Variants in HDAC9 observed in about 807,000 individuals in gnomAD.
HDAC9 encodes histone deacetylase 9, also known as MEF-2 interacting transcription repressor (MITR) protein.
Under a neutral mutation model 139.4 loss-of-function variants are expected in HDAC9, and 41 were observed. That is an observed-to-expected ratio of 0.29 (90% CI 0.23 to 0.38). The LOEUF (loss-of-function observed/expected upper bound fraction) is 0.38, where lower values mean the gene tolerates loss of function less well. Ranked by LOEUF, HDAC9 falls within the 10% of genes least tolerant of loss-of-function variation. The pLI is 1.00. For missense variants in HDAC9, 1,147 were observed against 1,297.0 expected (o/e 0.88, Z 1.78); for synonymous variants, 517 against 476.2 (o/e 1.09, Z -1.12).
In HDAC9 at chr7:18,709,817, A is replaced by G. The variant is rs146450857; in HGVS notation, c.1732-17763A>G. Among the ~76,000 whole-genome samples the G allele has an allele frequency of 3.7e-3, 556 of 152,258 alleles. 2 individuals carry two copies. Among genetic ancestry groups the G allele is most frequent in the Middle Eastern group, 0.014 (4 of 294 alleles). Reference sequence around the variant, plus strand: ...CTCCCAAAGTGTTGGCATCACAGACATGAGCCATGACACCCAGCCTTGCCC... The same window carrying G: ...CTCCCAAAGTGTTGGCATCACAGACGTGAGCCATGACACCCAGCCTTGCCC... On this transcript the variant is annotated intron_variant, in intron 12 of 25. Coordinates refer to ENST00000686413, the MANE Select transcript of HDAC9 (RefSeq NM_178425.4).
intron 25 of HDAC9, among the ~76,000 whole-genome samples, chr7:18,995,701 T>C (rs1786408658): frequency 6.6e-6 from 1 of 152,162 alleles, no homozygotes; most frequent in South Asian, 2.1e-4. Flanking sequence ...GCTCCTAAAA[T>C]AAAATATCAT....
At chr7:18,705,522 C>A (rs1213059095) in intron 12 of HDAC9, among the ~76,000 whole-genome samples, 1 of 152,092 alleles carries the variant, frequency 6.6e-6, no homozygotes, top group East Asian at 1.9e-4. Context: ...TAACCGAACC[C>A]TGTACCTATG....
chr7:18,169,389 C>T (rs112439713), intron 2 of HDAC9, among the ~76,000 whole-genome samples: 46 of 151,968 alleles, frequency 3.0e-4, no homozygotes, highest in African/African-American at 1.0e-3. Flanking sequence ...GAGTTTCCAG[C>T]GGGTGAGGCA....
At chr7:18,926,085 A>G (rs551226749) in intron 22 of HDAC9, among the ~76,000 whole-genome samples, 1 of 152,248 alleles carries the variant, frequency 6.6e-6, no homozygotes, top group African/African-American at 2.4e-5. Flanking sequence ...ATGGTGGCTC[A>G]CACCTGTAAT....
chr7:18,677,471 T>C (rs1781593145), intron 12 of HDAC9, among the ~76,000 whole-genome samples: 1 of 151,954 alleles, frequency 6.6e-6, no homozygotes, highest in Non-Finnish European at 1.5e-5. Context: ...TCTGTAGAAA[T>C]TTATTTTATT....
chr7:18,757,488 G>A (rs1297665031), intron 14 of HDAC9, among the ~76,000 whole-genome samples: 2 of 152,100 alleles, frequency 1.3e-5, no homozygotes. Flanking sequence ...CCAAACCAAT[G>A]CAACCCATCT....
chr7:18,275,315 A>G lies in HDAC9; in HGVS notation c.25+112966A>G, dbSNP rs1186282458. On this transcript the variant is annotated intron_variant, in intron 2 of 12. Transcript: ENST00000417496. ...ACCCTCACAGATCTATATCACCACAATCTTTTGCTTAGATTTTCAAAATAG... is the reference window on the plus strand; with the variant it reads ...ACCCTCACAGATCTATATCACCACAGTCTTTTGCTTAGATTTTCAAAATAG... 7.9e-5 allele frequency among the ~76,000 whole-genome samples: 12 copies of G among 152,138 alleles called. No homozygotes were observed. The South Asian group carries it at 1.5e-3, about 18-fold the overall frequency.
intron 21 of HDAC9, among the ~76,000 whole-genome samples, chr7:18,855,342 C>T (rs1460671207): frequency 6.6e-6 from 1 of 152,176 alleles, no homozygotes; most frequent in Non-Finnish European, 1.5e-5. Flanking sequence ...TGGCCATTCT[C>T]TGTAAACCTG....
intron 2 of HDAC9, among the ~76,000 whole-genome samples, chr7:18,170,615 A>G (rs1262551831): frequency 1.3e-5 from 2 of 152,084 alleles, no homozygotes; most frequent in Non-Finnish European, 2.9e-5. Context: ...TCTTGAATTA[A>G]TTTTTATATA....
chr7:18,941,168 T>C lies in HDAC9; in HGVS notation c.2937+5226T>C, dbSNP rs557189641. 9.4e-4 allele frequency among the ~76,000 whole-genome samples: 143 copies of C among 151,788 alleles called. 1 individual carries two copies. In the Middle Eastern group the frequency reaches 0.02, roughly 22 times the overall value. On this transcript the variant is annotated intron_variant, in intron 23 of 25. Transcript: ENST00000686413. Reference sequence around the variant, plus strand: ...TCTTTTTTTGTCTCTTCTTTTTTTTTTCTTTTCTTTCCCTCCCTGCCTCCC... The same window carrying C: ...TCTTTTTTTGTCTCTTCTTTTTTTTCTCTTTTCTTTCCCTCCCTGCCTCCC...
intron 13 of HDAC9, among the ~76,000 whole-genome samples, chr7:18,733,875 T>C (rs1196436910): frequency 6.6e-6 from 1 of 152,146 alleles, no homozygotes; most frequent in African/African-American, 2.4e-5. Flanking sequence ...GCCAACCTGA[T>C]ATGCGTTTCT....
chr7:18,753,688 C>T (rs1348560610), intron 14 of HDAC9, among the ~76,000 whole-genome samples: 2 of 152,126 alleles, frequency 1.3e-5, no homozygotes, highest in Non-Finnish European at 2.9e-5. Flanking sequence ...ATTCATTTAG[C>T]AATGTCGCAA....
chr7:18,872,149 G>C (rs1798968649), intron 21 of HDAC9, among the ~76,000 whole-genome samples: 1 of 151,954 alleles, frequency 6.6e-6, no homozygotes, highest in African/African-American at 2.4e-5. Context: ...CATAATTCTA[G>C]GCAAGTATAT....
intron 2 of HDAC9, among the ~76,000 whole-genome samples, chr7:18,176,276 T>C (rs1262335314): frequency 1.3e-5 from 2 of 152,192 alleles, no homozygotes; most frequent in African/African-American, 4.8e-5. Context: ...AGATCTCCAG[T>C]GCTTTCTGAA....
At chr7:18,696,385 ATAT>A (rs1218590737) in intron 12 of HDAC9, among the ~76,000 whole-genome samples, 2 of 147,330 alleles carry the variant, frequency 1.4e-5, no homozygotes, top group Non-Finnish European at 3.0e-5. Context: ...GTATAATAAC[ATAT>A]TATACTATAT....
intron 1 of HDAC9, among the ~76,000 whole-genome samples, chr7:18,368,510 T>C (rs1488049928): frequency 6.6e-6 from 1 of 152,150 alleles, no homozygotes; most frequent in East Asian, 1.9e-4. Flanking sequence ...GTACACTATG[T>C]TTATAGAGCA....
intron 22 of HDAC9, among the ~76,000 whole-genome samples, chr7:18,893,763 G>T (rs1181909796): frequency 6.6e-6 from 1 of 152,166 alleles, no homozygotes; most frequent in African/African-American, 2.4e-5. Context: ...GTCAGATTTT[G>T]CTGGGACAAG....
chr7:18,115,476 C>T (rs1783919500), intron 1 of HDAC9, among the ~76,000 whole-genome samples: 1 of 152,186 alleles, frequency 6.6e-6, no homozygotes, highest in African/African-American at 2.4e-5. Flanking sequence ...TGCAAAATTA[C>T]ATTCCACCAT....
intron 22 of HDAC9, among the ~76,000 whole-genome samples, chr7:18,882,027 T>C (rs1799777259): frequency 6.6e-6 from 1 of 152,126 alleles, no homozygotes; most frequent in African/African-American, 2.4e-5. Context: ...GATTAACCTC[T>C]TTCATCTGCT....
Sources: allele counts gnomAD v4.1 joint callset (sites outside exome capture counted in the v4.1 genomes callset), GRCh38; gene constraint gnomAD v4.1.1; transcripts MANE v1.5; gene names NCBI Gene and HGNC (gene_info 2026-07-23, HGNC 2026-07-21).